Variants in TMEM164 observed in about 807,000 individuals in gnomAD.
TMEM164 encodes the protein RP13-360B22.2.
A neutral mutation model predicts 18.8 loss-of-function variants in TMEM164; 4 were observed. That is an observed-to-expected ratio of 0.21 (90% CI 0.10 to 0.49). The LOEUF is 0.49. Ranked by LOEUF, TMEM164 falls within the 20% of genes least tolerant of loss-of-function variation. The pLI is 0.98. For synonymous variants in TMEM164, 86 were observed against 101.7 expected (o/e 0.85, Z 0.93); for missense variants, 108 against 239.9 (o/e 0.45, Z 3.63).
chrX:110,037,792 C>T (rs757745511), intron 2 of TMEM164, among the ~76,000 whole-genome samples: 1 of 112,018 alleles, frequency 8.9e-6, no homozygotes, highest in African/African-American at 3.2e-5. Flanking sequence ...TATTTTCAAT[C>T]TCATTTTTTA....
At chrX:110,095,288 C>T (rs1297337057) in intron 3 of TMEM164, among the ~76,000 whole-genome samples, 1 of 111,996 alleles carries the variant, frequency 8.9e-6, no homozygotes. Flanking sequence ...CAACTTGGCT[C>T]CATTCTCCCC....
chrX:110,018,567 T>G (rs535254560), intron 2 of TMEM164, among the ~76,000 whole-genome samples: 2 of 112,458 alleles, frequency 1.8e-5, no homozygotes, highest in African/African-American at 6.5e-5. Context: ...ATTTGTTTTG[T>G]TTTATTTTGT....
intron 4 of TMEM164, among the ~76,000 whole-genome samples, chrX:110,123,157 G>A (rs745619955): frequency 1.3e-4 from 15 of 111,703 alleles, no homozygotes; most frequent in Non-Finnish European, 1.1e-4. Flanking sequence ...AGCACCATTT[G>A]TTGAAAAGAC....
chrX:110,040,839 TC>T (rs1935058110), intron 2 of TMEM164, among the ~76,000 whole-genome samples: 1 of 111,549 alleles, frequency 9.0e-6, no homozygotes, highest in African/African-American at 3.3e-5. Context: ...GCCCTAACTT[TC>T]AGCTTGATTT....
At chrX:110,122,578 AAAAT>A (rs1325913506) in intron 4 of TMEM164, among the ~76,000 whole-genome samples, 1 of 110,010 alleles carries the variant, frequency 9.1e-6, no homozygotes, top group Non-Finnish European at 1.9e-5. Context: ...TAATAATAAT[AAAAT>A]AAAATAAAAT....
At position 110,006,860 on chromosome X, in the gene TMEM164, A is replaced by G. The variant is rs551704674; in HGVS notation, c.390+2696A>G. On this transcript the variant is annotated intron_variant, in intron 2 of 6. Transcript: ENST00000372068. ...GCAAGTGAACTAGCTGAATTAGGCT[A>G]TGTTGTAGTGGCAAATTCTGTGGAA... 1.7e-4 allele frequency among the ~76,000 whole-genome samples: 19 copies of G among 112,638 alleles called. No individual in the cohort carries two copies. In the South Asian group the frequency reaches 6.9e-3, roughly 41 times the overall value.
intron 3 of TMEM164, among the ~76,000 whole-genome samples, chrX:110,086,767 G>A (rs2065861071): frequency 9.1e-6 from 1 of 110,004 alleles, no homozygotes; most frequent in African/African-American, 3.3e-5. Context: ...AGAGGAATTA[G>A]ATCTAGCATA....
chrX:110,142,239 T>C (rs2066779816), intron 4 of TMEM164, among the ~76,000 whole-genome samples: 2 of 112,130 alleles, frequency 1.8e-5, no homozygotes, highest in South Asian at 7.4e-4. Context: ...AGGAAGGGAC[T>C]GGGCTAAATC....
intron 2 of TMEM164, among the ~76,000 whole-genome samples, chrX:110,024,526 C>A (rs769628922): frequency 8.9e-6 from 1 of 112,014 alleles, no homozygotes; most frequent in Non-Finnish European, 1.9e-5. Context: ...TCACGTGATC[C>A]TCCTGCCAAA....
At chrX:110,118,037 C>T (rs1739389367) in intron 4 of TMEM164, among the ~76,000 whole-genome samples, 1 of 111,897 alleles carries the variant, frequency 8.9e-6, no homozygotes. Context: ...CTCAGCCTCC[C>T]AAGTAGCTGG....
intron 5 of TMEM164, among the ~76,000 whole-genome samples, chrX:110,154,567 A>G (rs2066990030): frequency 9.0e-6 from 1 of 111,417 alleles, no homozygotes; most frequent in African/African-American, 3.3e-5. Context: ...GTACAGTCAC[A>G]TGCTGCCACG....
At chrX:110,065,511 T>A (rs1191376970) in intron 2 of TMEM164, 1 of 111,125 alleles carries the variant, frequency 9.0e-6, no homozygotes, top group African/African-American at 3.3e-5. Context: ...TCCAACTTGG[T>A]CCCTTACCTA....
chrX:110,054,781 T>G (rs901494221), intron 2 of TMEM164, among the ~76,000 whole-genome samples: 1 of 111,868 alleles, frequency 8.9e-6, no homozygotes, highest in African/African-American at 3.3e-5. Context: ...CCAGGGCTGT[T>G]GGTTTCTAGT....
intron 4 of TMEM164, among the ~76,000 whole-genome samples, chrX:110,139,122 T>G (rs2066732814): frequency 8.9e-6 from 1 of 112,365 alleles, no homozygotes; most frequent in Non-Finnish European, 1.9e-5. Flanking sequence ...TCAAGAGCTT[T>G]TGTTTCTTTA....
chrX:110,003,456 C>T, intron 1 of TMEM164, 45 bp from the exon 2 acceptor site: 1 of 215,885 alleles, frequency 4.6e-6, no homozygotes, highest in Non-Finnish European at 8.1e-6. Flanking sequence ...GTGCAATTGC[C>T]TCTTTGAGAC....
intron 3 of TMEM164, among the ~76,000 whole-genome samples, chrX:110,075,173 T>C (rs762052878): frequency 8.9e-6 from 1 of 111,833 alleles, no homozygotes; most frequent in Admixed American, 9.6e-5. Flanking sequence ...AGATCTTTCA[T>C]CTCCTTGGCT....
At chrX:110,021,500 CAAATCTGTGTGTGTGTGTTTG>C (rs1933852881) in intron 2 of TMEM164, among the ~76,000 whole-genome samples, 1 of 110,652 alleles carries the variant, frequency 9.0e-6, no homozygotes, top group African/African-American at 3.3e-5. Flanking sequence ...ATTAAAAAAG[CAAATCTGTGTGTGTGTGTTTG>C]TATGTGTGTG....
intron 2 of TMEM164, among the ~76,000 whole-genome samples, chrX:110,038,953 G>A (rs758112085): frequency 8.9e-6 from 1 of 111,742 alleles, no homozygotes; most frequent in South Asian, 3.8e-4. Context: ...TGATCATGAA[G>A]GTGGTATAGT....
At chrX:110,060,910 G>C (rs1455658088) in intron 2 of TMEM164, among the ~76,000 whole-genome samples, 2 of 112,000 alleles carry the variant, frequency 1.8e-5, no homozygotes, top group Non-Finnish European at 3.8e-5. Flanking sequence ...AGTGTGCCAG[G>C]CATTTGAACT....
Sources: gnomAD v4.1 joint callset for allele counts (sites outside exome capture counted in the v4.1 genomes callset) on GRCh38, gnomAD v4.1.1 for gene constraint, MANE v1.5 for transcripts, NCBI Gene and HGNC (gene_info 2026-07-23, HGNC 2026-07-21) for gene names.